EXOC6B: variants seen among roughly 807,000 people sequenced by gnomAD.
EXOC6B encodes the protein SEC15 homolog B.
Under a neutral mutation model 113.5 loss-of-function variants are expected in EXOC6B, and 54 were observed. That is an observed-to-expected ratio of 0.48 (90% CI 0.38 to 0.60). EXOC6B has a LOEUF of 0.60. Ranked by LOEUF, EXOC6B falls within the 20% of genes least tolerant of loss-of-function variation. EXOC6B has a pLI of 0.00. For synonymous variants in EXOC6B, 357 were observed against 339.0 expected (o/e 1.05, Z -0.58); for missense variants, 797 against 977.5 (o/e 0.82, Z 2.46).
rs1171737069 is a variant in EXOC6B, at chr2:72,499,984, A to G, written c.1168-12T>C. ...TCAGAACAGTAAGACTAAAGTAAAT[A>G]AAAGACAAAGGAGGAAAAACATGTT... On this transcript the variant is annotated splice_polypyrimidine_tract_variant and intron_variant, in intron 11 of 21. Transcript: ENST00000272427. 6.6e-7 allele frequency: 1 copy of G among 1,516,634 alleles called. No individual in the cohort carries two copies. The allele number at this position is 1,516,634 out of a possible 1,614,324, so 93.9% of individuals were successfully genotyped here.
intron 17 of EXOC6B, among the ~76,000 whole-genome samples, chr2:72,471,667 C>G (rs1197648287): frequency 6.6e-6 from 1 of 152,082 alleles, no homozygotes; most frequent in Non-Finnish European, 1.5e-5. Flanking sequence ...AATTTGACTT[C>G]CTGTTTTCCA....
chr2:72,410,809 C>T (rs1241380709), intron 18 of EXOC6B, among the ~76,000 whole-genome samples: 2 of 151,950 alleles, frequency 1.3e-5, no homozygotes, highest in South Asian at 2.1e-4. Context: ...CTACTTTATA[C>T]ACATATAGGT....
intron 20 of EXOC6B, among the ~76,000 whole-genome samples, chr2:72,219,643 G>T (rs1229171840): frequency 1.3e-5 from 2 of 152,054 alleles, no homozygotes; most frequent in African/African-American, 4.8e-5. Flanking sequence ...AATTAGTGTT[G>T]TTAGAGGGTC....
intron 21 of EXOC6B, among the ~76,000 whole-genome samples, chr2:72,182,611 G>A (rs1395427295): frequency 6.6e-6 from 1 of 152,072 alleles, no homozygotes; most frequent in African/African-American, 2.4e-5. Context: ...TATTGAGTGT[G>A]CCAAGAAGCT....
At chr2:72,182,270 T>C (rs1273504016) in intron 21 of EXOC6B, among the ~76,000 whole-genome samples, 1 of 151,686 alleles carries the variant, frequency 6.6e-6, no homozygotes, top group African/African-American at 2.4e-5. Context: ...CCATAGGGAG[T>C]GGATAAGCCA....
intron 1 of EXOC6B, among the ~76,000 whole-genome samples, chr2:72,807,702 T>C (rs1490729303): frequency 1.3e-5 from 2 of 152,102 alleles, no homozygotes; most frequent in Admixed American, 1.3e-4. Context: ...AATAACATGG[T>C]TACAACTGGA....
intron 19 of EXOC6B, among the ~76,000 whole-genome samples, chr2:72,354,538 C>T (rs1273106229): frequency 6.6e-6 from 1 of 152,158 alleles, no homozygotes; most frequent in Non-Finnish European, 1.5e-5. Context: ...GTTGGCAGCA[C>T]CTACTATCAA....
At chr2:72,593,356 G>A (rs1706097594) in intron 6 of EXOC6B, among the ~76,000 whole-genome samples, 1 of 152,090 alleles carries the variant, frequency 6.6e-6, no homozygotes. Context: ...TGGGTAAACA[G>A]GGGACTTACT....
chr2:72,778,858 T>C (rs1174566204), intron 1 of EXOC6B, among the ~76,000 whole-genome samples: 1 of 152,166 alleles, frequency 6.6e-6, no homozygotes, highest in Non-Finnish European at 1.5e-5. Flanking sequence ...GGGTTATTAA[T>C]TTTCTAAAAA....
chr2:72,598,344 CT>C (rs1308710219), intron 6 of EXOC6B, among the ~76,000 whole-genome samples: 1 of 151,814 alleles, frequency 6.6e-6, no homozygotes, highest in East Asian at 1.9e-4. Context: ...TCAAGAGAAA[CT>C]TTTTAAAAAT....
intron 20 of EXOC6B, among the ~76,000 whole-genome samples, chr2:72,263,046 A>G (rs1683836749): frequency 6.6e-6 from 1 of 152,164 alleles, no homozygotes; most frequent in Non-Finnish European, 1.5e-5. Context: ...AATTAGAACT[A>G]ATTTTTGATA....
At position 72,242,693 on chromosome 2, in the gene EXOC6B, A is replaced by G. The variant is rs892665522; in HGVS notation, c.2197-58506T>C. Among the ~76,000 whole-genome samples, 3 of 152,214 alleles carry G rather than the reference A, an allele frequency of 2.0e-5. No individual in the cohort carries two copies. In the South Asian group the frequency reaches 6.2e-4, roughly 31 times the overall value. Reference sequence around the variant, plus strand: ...TGCCAATTAAAAGACAGAGATTTTCAGAGTGAATAAAATAATAAGACCCAA... The same window carrying G: ...TGCCAATTAAAAGACAGAGATTTTCGGAGTGAATAAAATAATAAGACCCAA... On this transcript the variant is annotated intron_variant, in intron 20 of 21. Coordinates refer to ENST00000272427, the MANE Select transcript of EXOC6B (RefSeq NM_015189.3).
At chr2:72,221,984 T>C (rs556341574) in intron 20 of EXOC6B, among the ~76,000 whole-genome samples, 1 of 152,168 alleles carries the variant, frequency 6.6e-6, no homozygotes, top group Admixed American at 6.5e-5. Context: ...TGAAACTGGG[T>C]AAGGGCAAGG....
chr2:72,578,919 A>T (rs1160091423), intron 6 of EXOC6B, among the ~76,000 whole-genome samples: 1 of 152,138 alleles, frequency 6.6e-6, no homozygotes, highest in Non-Finnish European at 1.5e-5. Flanking sequence ...GATGCTATAT[A>T]AAGCAGTTTC....
chr2:72,564,052 T>C (rs1279624842), intron 7 of EXOC6B, among the ~76,000 whole-genome samples: 2 of 152,108 alleles, frequency 1.3e-5, no homozygotes, highest in African/African-American at 2.4e-5. Context: ...ATATGATAAC[T>C]CTACCAGCTT....
At chr2:72,610,056 G>A (rs763775704) in intron 6 of EXOC6B, among the ~76,000 whole-genome samples, 12 of 152,070 alleles carry the variant, frequency 7.9e-5, no homozygotes, top group Admixed American at 6.6e-5. Context: ...TTAGGTGAAC[G>A]AACACAGAGA....
intron 18 of EXOC6B, among the ~76,000 whole-genome samples, chr2:72,414,496 T>G (rs745966472): frequency 6.6e-6 from 1 of 152,216 alleles, no homozygotes; most frequent in Non-Finnish European, 1.5e-5. Context: ...TCCAGTTAGC[T>G]AATGTGACAA....
At chr2:72,791,420 C>G (rs1288064987) in intron 1 of EXOC6B, among the ~76,000 whole-genome samples, 1 of 152,138 alleles carries the variant, frequency 6.6e-6, no homozygotes, top group Non-Finnish European at 1.5e-5. Flanking sequence ...GTGGCACACT[C>G]CTGTAGTCCC....
chr2:72,338,924 C>T (rs1308889320), intron 19 of EXOC6B, among the ~76,000 whole-genome samples: 2 of 150,214 alleles, frequency 1.3e-5, no homozygotes, highest in Non-Finnish European at 3.0e-5. Flanking sequence ...CATACACATA[C>T]ACATACACAT....
Sources: gnomAD v4.1 joint callset for allele counts (sites outside exome capture counted in the v4.1 genomes callset) on GRCh38, gnomAD v4.1.1 for gene constraint, MANE v1.5 for transcripts, NCBI Gene and HGNC (gene_info 2026-07-23, HGNC 2026-07-21) for gene names.